The following RESF1 variants were observed in gnomAD, a reference collection of about 807,000 sequenced individuals.
The protein encoded by RESF1 is retroelement silencing factor 1.
RESF1 carries 65 observed loss-of-function variants against 134.7 expected under a neutral mutation model. The ratio of observed to expected loss-of-function variants is 0.48; its 90% confidence interval spans 0.40 to 0.59. RESF1 has a LOEUF of 0.59. Ranked by LOEUF, RESF1 falls within the 20% of genes least tolerant of loss-of-function variation. RESF1 has a pLI of 0.00. For missense variants in RESF1, 2,274 were observed against 2,002.7 expected, an observed-to-expected ratio of 1.14 and a Z score of -2.59; for synonymous variants, 762 against 702.2, an observed-to-expected ratio of 1.09 and a Z score of -1.35.
chr12:31,984,111 T>C lies in RESF1; in HGVS notation c.3156T>C (p.His1052=). The stretch of plus-strand genomic sequence containing the variant: ...ATAAGGCACCTGTCTTATACCTACA[T>C]GACCAGCTGTCAGAACTTCTAAAAG... ...HSDKAPVLYL[H]DQLSELLKEF... The change falls in exon 4 of 6, where the codon CAT becomes CAC. Residue 1052 remains histidine, a synonymous_variant. Transcript: ENST00000312561. The C allele has an allele frequency of 6.2e-7, 1 of 1,613,578 alleles. No individual in the cohort carries two copies. Among genetic ancestry groups the C allele is most frequent in the Non-Finnish European group, 8.5e-7 (1 of 1,179,868 alleles).
intron 5 of RESF1, among the ~76,000 whole-genome samples, chr12:31,988,458 TGTGGGGG>T (rs1398610119): frequency 9.2e-5 from 14 of 152,350 alleles, no homozygotes; most frequent in African/African-American, 3.1e-4. Context: ...TTAAGGTATG[TGTGGGGG>T]GTATGCTTTA....
chr12:31,989,563 G>C (rs1051733200), intron 5 of RESF1, among the ~76,000 whole-genome samples: 4 of 151,142 alleles, frequency 2.6e-5, no homozygotes, highest in African/African-American at 9.7e-5. Context: ...TGTAAAAATT[G>C]AGTAGAGGCC....
In RESF1 at chr12:31,983,900, C is replaced by G. The variant is rs571599703; in HGVS notation, c.2945C>G (p.Ser982Cys). ...QSKSEPPLESSFNNLETNRVI... is the reference protein window; with the variant it reads ...QSKSEPPLESCFNNLETNRVI... Reference sequence around the variant, plus strand: ...AAGTCAGAGCCACCCTTAGAGTCATCTTTTAACAATCTTGAAACAAACAGA... The same window carrying G: ...AAGTCAGAGCCACCCTTAGAGTCATGTTTTAACAATCTTGAAACAAACAGA... The change falls in exon 4 of 6, where the codon TCT becomes TGT. Residue 982 changes from serine (S) to cysteine (C), a missense_variant. Physicochemically the swap from Ser to Cys is moderately radical, Grantham distance 112. Coordinates refer to ENST00000312561, the MANE Select transcript of RESF1 (RefSeq NM_018169.4). 2 of 1,613,890 alleles carry G rather than the reference C, an allele frequency of 1.2e-6. No homozygotes were observed. Among genetic ancestry groups the G allele is most frequent in the African/African-American group, 2.7e-5 (2 of 75,060 alleles).
intron 3 of RESF1, among the ~76,000 whole-genome samples, chr12:31,976,741 A>C (rs1188557565): frequency 1.3e-5 from 2 of 152,140 alleles, no homozygotes; most frequent in Non-Finnish European, 2.9e-5. Context: ...GAAATGGATC[A>C]TCATAAAGGT....
chr12:31,963,417 T>A (rs1326020920), intron 2 of RESF1, among the ~76,000 whole-genome samples: 1 of 149,412 alleles, frequency 6.7e-6, no homozygotes, highest in Non-Finnish European at 1.5e-5. Flanking sequence ...CAAAAGAGAG[T>A]TTTAAAGATT....
Position 31,982,677 on chromosome 12 carries a change from A to G in RESF1, c.1722A>G (p.Lys574=). 6.2e-7 allele frequency: 1 copy of G among 1,614,092 alleles called. No individual in the cohort carries two copies. The part of the protein sequence containing the change: ...VPKSMSTEEY[K]SKIQNENMLL... ...AGTCCATGTCCACTGAGGAATATAAATCAAAAATTCAAAATGAAAATATGC... is the reference window on the plus strand; with the variant it reads ...AGTCCATGTCCACTGAGGAATATAAGTCAAAAATTCAAAATGAAAATATGC... The change falls in exon 4 of 6, where the codon AAA becomes AAG. Residue 574 remains lysine (K), a synonymous_variant. Coordinates refer to ENST00000312561, the MANE Select transcript of RESF1 (RefSeq NM_018169.4).
In RESF1 at chr12:31,992,407, A is replaced by G; in HGVS notation, c.5116A>G (p.Ser1706Gly). The stretch of plus-strand genomic sequence containing the variant: ...TGTTAATTCAAGACTCTCGAAGAGA[A>G]GCTTCAGTGCAGATGGATTTGAGAT... ...DNVNSRLSKRSFSADGFEMLQ... is the reference protein window; with the variant it reads ...DNVNSRLSKRGFSADGFEMLQ... The change falls in exon 6 of 6, where the codon AGC becomes GGC. Residue 1706 changes from serine to glycine, a missense_variant. Transcript: ENST00000312561. 6.2e-7 allele frequency: 1 copy of G among 1,612,942 alleles called. No individual in the cohort carries two copies. Among genetic ancestry groups the G allele is most frequent in the South Asian group, 1.1e-5 (1 of 90,856 alleles).
Position 31,982,170 on chromosome 12 carries a change from G to A in RESF1, c.1215G>A (p.Gln405=). Residue 405 remains glutamine, a synonymous_variant, in exon 4 of 6, where the codon CAG becomes CAA. Coordinates refer to ENST00000312561, the MANE Select transcript of RESF1 (RefSeq NM_018169.4). ...RDIKTLVEIK[Q]KFSELARKIK... ...TTAAAACATTAGTAGAGATAAAACA[G>A]AAGTTTTCAGAACTTGCAAGGAAAA... is the stretch of plus-strand genomic sequence containing the variant. The A allele has an allele frequency of 6.2e-7, 1 of 1,611,562 alleles. No individual in the cohort carries two copies. The highest frequency in any genetic ancestry group is 8.5e-7 in the Non-Finnish European group (1 of 1,179,408).
chr12:31,975,788 C>G, intron 3 of RESF1, among the ~76,000 whole-genome samples: 1 of 152,168 alleles, frequency 6.6e-6, no homozygotes, highest in East Asian at 1.9e-4. Context: ...TTGTTAGATT[C>G]ATGTTGCATA....
Position 31,985,866 on chromosome 12 carries a change from A to G in RESF1, c.4911A>G (p.Leu1637=). The change falls in exon 4 of 6, where the codon TTA becomes TTG. Residue 1637 remains leucine (L), a synonymous_variant. Transcript: ENST00000312561. ...TEKSNMLEFK[L]CPDILLKNTN... ...AATCAAACATGCTGGAGTTTAAATT[A>G]TGTCCAGATATCTTACTAAAGAATA... 6.4e-7 allele frequency: 1 copy of G among 1,553,364 alleles called. No homozygotes were observed. The highest frequency in any genetic ancestry group is 8.6e-7 in the Non-Finnish European group (1 of 1,158,910).
chr12:31,979,231 C>G (rs1436150451), intron 3 of RESF1, among the ~76,000 whole-genome samples: 1 of 152,178 alleles, frequency 6.6e-6, no homozygotes, highest in African/African-American at 2.4e-5. Flanking sequence ...CACAGTACTT[C>G]TGACACCAGA....
At chr12:31,972,996 T>C (rs1168991105) in intron 3 of RESF1, among the ~76,000 whole-genome samples, 2 of 152,192 alleles carry the variant, frequency 1.3e-5, no homozygotes, top group Non-Finnish European at 2.9e-5. Flanking sequence ...TTTTTCTGTT[T>C]TTAATTTCTT....
At chr12:31,967,833 C>G (rs1285096244) in intron 2 of RESF1, among the ~76,000 whole-genome samples, 1 of 152,110 alleles carries the variant, frequency 6.6e-6, no homozygotes, top group Non-Finnish European at 1.5e-5. Context: ...CTGCTGAATG[C>G]CTGTATCACT....
rs1371533976 is a variant in RESF1, at chr12:31,981,650, A to G, written c.695A>G (p.Gln232Arg). Reference sequence around the variant, plus strand: ...AGCTTTTTACCAGATTCTACCATTCAAAAACAAAACTTTATACCACATACA... The same window carrying G: ...AGCTTTTTACCAGATTCTACCATTCGAAAACAAAACTTTATACCACATACA... ...PQSFLPDSTI[Q>R]KQNFIPHTSL... is the part of the protein sequence containing the mutation. The change falls in exon 4 of 6, where the codon CAA (glutamine) becomes CGA (arginine). Residue 232 changes from glutamine to arginine, a missense_variant. Gln to Arg is a conservative substitution (Grantham distance 43, BLOSUM62 1). Coordinates refer to ENST00000312561, the MANE Select transcript of RESF1 (RefSeq NM_018169.4). 1.9e-6 allele frequency: 3 copies of G among 1,613,946 alleles called. No homozygotes were observed. The African/African-American group carries it at 4.0e-5, about 22-fold the overall frequency.
chr12:31,968,844 T>C (rs1939452669), intron 2 of RESF1, among the ~76,000 whole-genome samples: 1 of 152,248 alleles, frequency 6.6e-6, no homozygotes, highest in African/African-American at 2.4e-5. Context: ...GTCTTTTGGG[T>C]TGGCCTGAAA....
chr12:31,975,615 A>C (rs1939617137), intron 3 of RESF1, among the ~76,000 whole-genome samples: 1 of 152,226 alleles, frequency 6.6e-6, no homozygotes, highest in Non-Finnish European at 1.5e-5. Context: ...CCTGGTCAAA[A>C]GCAGTCTTCA....
At chr12:31,966,485 A>G (rs947165098) in intron 2 of RESF1, among the ~76,000 whole-genome samples, 3 of 152,250 alleles carry the variant, frequency 2.0e-5, no homozygotes, top group South Asian at 2.1e-4. Flanking sequence ...TAGTGTCAGT[A>G]TTCTAGCCTG....
rs1291329589 is a variant in RESF1 at position 31,984,936 on chromosome 12, AAC to A, written c.3985_3986del (p.Gln1329GlufsTer15). 1.9e-6 allele frequency: 3 copies of A among 1,613,340 alleles called. No individual in the cohort carries two copies. The highest frequency in any genetic ancestry group is 2.5e-6 in the Non-Finnish European group (3 of 1,179,878). On this transcript the variant is annotated frameshift_variant, in exon 4 of 6. Coordinates refer to ENST00000312561, the MANE Select transcript of RESF1 (RefSeq NM_018169.4). LOFTEE classifies it high-confidence loss of function. ...AGGAAACCCGACAGAAGAAACATGT[AAC>A]ACAGAACTCACGTCCACTAAAAACA... ...SQETRQKKHV[T>X]QNSRPLKTKT...
Position 31,987,313 on chromosome 12 carries a change from C to T in RESF1, c.5077C>T (p.Gln1693Ter). The change falls in exon 5 of 6, where the codon CAA (glutamine) becomes TAA (stop). Residue 1693 changes from glutamine to a stop codon, truncating the protein, a stop_gained. Coordinates refer to ENST00000312561, the MANE Select transcript of RESF1 (RefSeq NM_018169.4). LOFTEE classifies it low-confidence loss of function (END_TRUNC). ...AAAGAAAAGGACACAGAAAGACAGCCAAGAGAGAGGTAAAGTCATCTTTTT... is the reference window on the plus strand; with the variant it reads ...AAAGAAAAGGACACAGAAAGACAGCTAAGAGAGAGGTAAAGTCATCTTTTT... ...ATKKRTQKDS[Q>*]ERDNVNSRLS... 6.3e-7 allele frequency: 1 copy of T among 1,593,742 alleles called. No individual in the cohort carries two copies.
Sources: gnomAD v4.1 joint callset for allele counts (sites outside exome capture counted in the v4.1 genomes callset) on GRCh38, gnomAD v4.1.1 for gene constraint, MANE v1.5 for transcripts, NCBI Gene and HGNC (gene_info 2026-07-23, HGNC 2026-07-21) for gene names.